The following MGAT5B variants were observed in gnomAD, a reference collection of about 807,000 sequenced individuals.
MGAT5B encodes alpha-1,6-mannosylglycoprotein 6-beta-N-acetylglucosaminyltransferase B.
A neutral mutation model predicts 95.1 loss-of-function variants in MGAT5B; 54 were observed. The observed-to-expected ratio is 0.57, with a 90% CI of 0.46 to 0.71. The LOEUF is 0.71. MGAT5B is among the 30% of genes least tolerant of loss of function. The pLI is 0.00. For missense variants in MGAT5B, 935 were observed against 1,088.6 expected (o/e 0.86, Z 1.99); for synonymous variants, 464 against 451.0 (o/e 1.03, Z -0.36).
chr17:76,912,801 C>T lies in MGAT5B; in HGVS notation c.1025+6614C>T, dbSNP rs1968791401. On this transcript the variant is annotated intron_variant, in intron 8 of 17. Transcript: ENST00000569840. This position sits in a 1 kb window ranked among gnomAD's most constrained non-coding sequence, Gnocchi z 5.0. ...TGATGTCAGCCAGTCCCCGCCCGCG[C>T]CCCGCCGTGTGCGGAGGGAAGAAGC... 6.6e-6 allele frequency among the ~76,000 whole-genome samples: 1 copy of T among 152,184 alleles called. No individual in the cohort carries two copies. Among genetic ancestry groups the T allele is most frequent in the Non-Finnish European group, 1.5e-5 (1 of 68,036 alleles).
chr17:76,878,003 T>C (rs1288041979), intron 2 of MGAT5B, among the ~76,000 whole-genome samples: 1 of 152,158 alleles, frequency 6.6e-6, no homozygotes, highest in Non-Finnish European at 1.5e-5. Flanking sequence ...AACGTGTGCC[T>C]GTTCTGAGTT....
rs529316 is a variant in MGAT5B at position 76,869,928 on chromosome 17, A to G, written c.68+831A>G. 0.62 allele frequency among the ~76,000 whole-genome samples: 93,498 copies of G among 151,966 alleles called. 32,487 individuals carry two copies. The highest frequency in any genetic ancestry group is 1 in the East Asian group (5,125 of 5,142). The stretch of plus-strand genomic sequence containing the variant: ...CCCTCTCCTCCCAGGCATCCGCGGA[A>G]CCGGCCCGCAGCGGGGTGGGGAGGG... On this transcript the variant is annotated intron_variant, in intron 1 of 17. Transcript: ENST00000569840. This position sits in a 1 kb window ranked among gnomAD's most constrained non-coding sequence, Gnocchi z 7.0.
rs767094719 is a variant in MGAT5B at position 76,932,699 on chromosome 17, C to T, written c.1346C>T (p.Thr449Met). ...MGFVSEELNETEKRLIKGGKA... is the reference protein window; with the variant it reads ...MGFVSEELNEMEKRLIKGGKA... ...TTCGTGTCCGAGGAGCTCAACGAGA[C>T]GGAGAAGCGGCTCATCAAAGGCGGC... Residue 449 changes from threonine to methionine, a missense_variant, in exon 11 of 18, where the codon ACG (threonine) becomes ATG (methionine). Thr to Met is a moderately conservative substitution (Grantham distance 81). Transcript: ENST00000569840. 4.1e-5 allele frequency: 66 copies of T among 1,613,912 alleles called. No homozygotes were observed. The South Asian group carries it at 6.0e-4, about 15-fold the overall frequency.
intron 16 of MGAT5B, among the ~76,000 whole-genome samples, chr17:76,947,184 G>T (rs1970056702): frequency 6.6e-6 from 1 of 152,234 alleles, no homozygotes; most frequent in African/African-American, 2.4e-5. Context: ...TGGCCGTATG[G>T]CTGTAAGAAA....
In MGAT5B at chr17:76,902,550, CT is replaced by C; in HGVS notation, c.330-3del. On this transcript the variant is annotated splice_polypyrimidine_tract_variant and splice_region_variant and intron_variant, in intron 3 of 17. Transcript: ENST00000569840. ...TGTGGCTCACCTCTGGCTTTTCCCA[CT>C]TAGGATGCCCCCTGGGGCCGGCCTC... The C allele has an allele frequency of 6.3e-7, 1 of 1,575,872 alleles. No individual in the cohort carries two copies. The highest frequency in any genetic ancestry group is 1.2e-5 in the South Asian group (1 of 86,134).
chr17:76,913,298 C>G (rs1391003200), intron 8 of MGAT5B, among the ~76,000 whole-genome samples: 1 of 152,192 alleles, frequency 6.6e-6, no homozygotes, highest in African/African-American at 2.4e-5. Flanking sequence ...GTTTGGAACC[C>G]AGAGATCAGT....
chr17:76,942,349 G>A lies in MGAT5B; in HGVS notation c.1848+1501G>A, dbSNP rs1264784370. ...TTGAGAGCAGCCTGGCCAACATGGT[G>A]AAACCCCATCTCTACTAAAAATACA... On this transcript the variant is annotated intron_variant, in intron 15 of 17. Transcript: ENST00000569840. Among the ~76,000 whole-genome samples, 3 of 152,158 alleles carry A rather than the reference G, an allele frequency of 2.0e-5. No individual in the cohort carries two copies. In the South Asian group the frequency reaches 6.2e-4, roughly 32 times the overall value.
rs1347348360 is a variant in MGAT5B, at chr17:76,905,948, G to A, written c.856-70G>A. 14 of 1,478,496 alleles carry A rather than the reference G, an allele frequency of 9.5e-6. No homozygotes were observed. Among genetic ancestry groups the A allele is most frequent in the Admixed American group, 4.8e-5 (2 of 41,944 alleles). The allele number at this position is 1,478,496 out of a possible 1,614,324, so 91.6% of individuals were successfully genotyped here. ...TCTGCTGCCGGCTGGTCTCCTGGCC[G>A]GTGCCCCGGGGGGGCGGGGCTCAGA... On this transcript the variant is annotated intron_variant, in intron 7 of 17. Transcript: ENST00000569840. This position sits in a 1 kb window ranked among gnomAD's most constrained non-coding sequence, Gnocchi z 4.2.
At position 76,933,291 on chromosome 17, in the gene MGAT5B, G is replaced by A; in HGVS notation, c.1423-1G>A. 1.3e-6 allele frequency: 2 copies of A among 1,598,308 alleles called. No homozygotes were observed. Among genetic ancestry groups the A allele is most frequent in the South Asian group, 2.2e-5 (2 of 91,064 alleles). Reference sequence around the variant, plus strand: ...TTGTGCTCCCCCTGGCCACGAGGCAGCTCCAGGTATGGAAACCGCTTGCCG... The same window carrying A: ...TTGTGCTCCCCCTGGCCACGAGGCAACTCCAGGTATGGAAACCGCTTGCCG... On this transcript the variant is annotated splice_acceptor_variant, in intron 11 of 17. Transcript: ENST00000569840. LOFTEE classifies it high-confidence loss of function.
chr17:76,899,361 AGGCT>A (rs1252409186), intron 3 of MGAT5B, among the ~76,000 whole-genome samples: 1 of 152,192 alleles, frequency 6.6e-6, no homozygotes, highest in Admixed American at 6.5e-5. Flanking sequence ...TATTCATTCC[AGGCT>A]GGGTATGGTG....
At chr17:76,892,896 T>C (rs1454593874) in intron 3 of MGAT5B, among the ~76,000 whole-genome samples, 1 of 152,032 alleles carries the variant, frequency 6.6e-6, no homozygotes, top group Non-Finnish European at 1.5e-5. Flanking sequence ...CCACCGTCAA[T>C]CACAGGGAAG....
Position 76,948,990 on chromosome 17 carries a change from G to C in MGAT5B, c.*152G>C, listed in dbSNP as rs967839389. On this transcript the variant is annotated 3_prime_UTR_variant, in exon 18 of 18. Coordinates refer to ENST00000569840, the MANE Select transcript of MGAT5B (RefSeq NM_001199172.2). The stretch of plus-strand genomic sequence containing the variant: ...TTAGCCGGGAAGCTGGCAGAGGAGA[G>C]CCGTGCCCGGGAATAGGAGGAGGCA... 2.4e-5 allele frequency: 22 copies of C among 908,932 alleles called. No individual in the cohort carries two copies. Among genetic ancestry groups the C allele is most frequent in the Non-Finnish European group, 2.6e-5 (16 of 617,250 alleles). 56.3% of individuals were successfully genotyped at this position (908,932 alleles called of 1,614,324 possible).
intron 3 of MGAT5B, among the ~76,000 whole-genome samples, chr17:76,884,525 C>G (rs1250520631): frequency 6.6e-6 from 1 of 152,068 alleles, no homozygotes; most frequent in African/African-American, 2.4e-5. Context: ...CCTCCGCCTC[C>G]TGGGTTCGAG....
rs527793539 is a variant in MGAT5B at position 76,869,901 on chromosome 17, C to T, written c.68+804C>T. Among the ~76,000 whole-genome samples the T allele has an allele frequency of 2.8e-4, 42 of 152,238 alleles. 1 individual carries two copies. The highest frequency in any genetic ancestry group is 6.8e-3 in the Middle Eastern group (2 of 292). ...CCAGGGCCCAGCGGTGCCGGGGCAG[C>T]CCCCTCTCCTCCCAGGCATCCGCGG... On this transcript the variant is annotated intron_variant, in intron 1 of 17. Coordinates refer to ENST00000569840, the MANE Select transcript of MGAT5B (RefSeq NM_001199172.2). The surrounding 1 kb of genome is among the most constrained non-coding windows in gnomAD (Gnocchi z 7.0).
At chr17:76,922,754 G>A (rs758711486) in intron 8 of MGAT5B, among the ~76,000 whole-genome samples, 13 of 152,230 alleles carry the variant, frequency 8.5e-5, no homozygotes, top group Non-Finnish European at 1.6e-4. Flanking sequence ...GGAAGGAGGG[G>A]AAGACAGGAA....
chr17:76,941,998 C>T (rs1022813039), intron 15 of MGAT5B, among the ~76,000 whole-genome samples: 121 of 152,340 alleles, frequency 7.9e-4, no homozygotes, highest in African/African-American at 2.6e-3. Flanking sequence ...GGCCTGCACA[C>T]AGATGGGCTC....
In MGAT5B at chr17:76,870,197, C is replaced by T. The variant is rs988734062; in HGVS notation, c.68+1100C>T. ...TGCCGGCTCCAGACGGGGATGGGGG[C>T]GGGGAGACGGTGGCTCACCTGGAGC... On this transcript the variant is annotated intron_variant, in intron 1 of 17. Coordinates refer to ENST00000569840, the MANE Select transcript of MGAT5B (RefSeq NM_001199172.2). This position sits in a 1 kb window ranked among gnomAD's most constrained non-coding sequence, Gnocchi z 5.0. Among the ~76,000 whole-genome samples the T allele has an allele frequency of 6.6e-6, 1 of 152,174 alleles. No individual in the cohort carries two copies. The highest frequency in any genetic ancestry group is 2.4e-5 in the African/African-American group (1 of 41,438).
intron 2 of MGAT5B, among the ~76,000 whole-genome samples, chr17:76,875,761 T>C (rs1304323419): frequency 6.6e-6 from 1 of 151,596 alleles, no homozygotes; most frequent in Non-Finnish European, 1.5e-5. Flanking sequence ...GTTTCCAGTT[T>C]TGGGCTTTTG....
chr17:76,922,191 A>T (rs1349757315), intron 8 of MGAT5B, among the ~76,000 whole-genome samples: 3 of 152,144 alleles, frequency 2.0e-5, no homozygotes, highest in Non-Finnish European at 4.4e-5. Context: ...CCAACCAGAG[A>T]TCTGTAGGGA....
Sources: allele counts gnomAD v4.1 joint callset (sites outside exome capture counted in the v4.1 genomes callset), GRCh38; gene constraint gnomAD v4.1.1; non-coding constraint Gnocchi (gnomAD v3.1); transcripts MANE v1.5; gene names NCBI Gene and HGNC (gene_info 2026-07-23, HGNC 2026-07-21).